Variants in FANCM observed in about 807,000 individuals in gnomAD.
The protein encoded by FANCM is FA complementation group M, also known as Fanconi anemia group M protein.
Under a neutral mutation model 199.5 loss-of-function variants are expected in FANCM, and 140 were observed. That is an observed-to-expected ratio of 0.70 (90% CI 0.61 to 0.81). The LOEUF (loss-of-function observed/expected upper bound fraction) is 0.81, where lower values mean the gene tolerates loss of function less well. FANCM is among the 30% of genes least tolerant of loss of function. The pLI is 0.00. For synonymous variants in FANCM, 840 were observed against 836.8 expected, an observed-to-expected ratio of 1.00 and a Z score of -0.07; for missense variants, 2,410 against 2,421.4, an observed-to-expected ratio of 1.00 and a Z score of 0.10.
intron 3 of FANCM, among the ~76,000 whole-genome samples, chr14:45,146,934 A>C (rs533683758): frequency 6.6e-6 from 1 of 151,434 alleles, no homozygotes; most frequent in South Asian, 2.1e-4. Context: ...TCTTCTTAAC[A>C]TTTGTGATAA....
At chr14:45,184,934 C>G (rs1889300370) in intron 17 of FANCM, among the ~76,000 whole-genome samples, 1 of 149,004 alleles carries the variant, frequency 6.7e-6, no homozygotes, top group Admixed American at 6.7e-5. Flanking sequence ...CCACCACACC[C>G]TGCCAATTTT....
At chr14:45,163,691 AG>A in intron 9 of FANCM, among the ~76,000 whole-genome samples, 1 of 152,206 alleles carries the variant, frequency 6.6e-6, no homozygotes, top group East Asian at 1.9e-4. Flanking sequence ...CTATACATTT[AG>A]GTCTAAGATA....
At chr14:45,189,408 GTTTTTC>G (rs777612101) in intron 20 of FANCM, 46 bp downstream of exon 20, 2 of 1,441,148 alleles carry the variant, frequency 1.4e-6, no homozygotes, top group Non-Finnish European at 1.9e-6. Context: ...GTTACCAGAA[GTTTTTC>G]TTTTTCTTTC....
chr14:45,168,427 A>G (rs902304070), intron 11 of FANCM, among the ~76,000 whole-genome samples: 2 of 151,942 alleles, frequency 1.3e-5, no homozygotes, highest in Non-Finnish European at 2.9e-5. Flanking sequence ...AGTGATCATT[A>G]TATTTTTTAT....
At chr14:45,177,163 G>A (rs1888765187) in intron 14 of FANCM, among the ~76,000 whole-genome samples, 187 bp downstream of exon 14, 1 of 150,186 alleles carries the variant, frequency 6.7e-6, no homozygotes, top group Admixed American at 6.6e-5. Context: ...ATATACTTAT[G>A]GCACGCATGG....
intron 21 of FANCM, among the ~76,000 whole-genome samples, chr14:45,198,200 G>GA (rs1305302272): frequency 5.9e-5 from 9 of 152,296 alleles, no homozygotes; most frequent in Non-Finnish European, 1.0e-4. Flanking sequence ...ATATGGAATA[G>GA]AAAATGAACA....
At chr14:45,146,770 T>C (rs1181242624) in intron 3 of FANCM, among the ~76,000 whole-genome samples, 4 of 147,982 alleles carry the variant, frequency 2.7e-5, no homozygotes, top group Non-Finnish European at 3.0e-5. Context: ...GAGGCGGAGC[T>C]TGCAGTGAGC....
At chr14:45,172,232 T>A (rs1460325370) in intron 12 of FANCM, among the ~76,000 whole-genome samples, 1 of 152,206 alleles carries the variant, frequency 6.6e-6, no homozygotes, top group African/African-American at 2.4e-5. Flanking sequence ...GGTTGTCTGT[T>A]TACTCTGCTG....
chr14:45,160,485 G>A (rs960692029), intron 9 of FANCM, among the ~76,000 whole-genome samples: 2 of 150,676 alleles, frequency 1.3e-5, no homozygotes, highest in African/African-American at 2.4e-5. Flanking sequence ...ACCACGCCCA[G>A]CTAAGTTTTT....
chr14:45,166,177 G>T (rs1887959254), intron 10 of FANCM, among the ~76,000 whole-genome samples: 1 of 151,306 alleles, frequency 6.6e-6, no homozygotes, highest in Non-Finnish European at 1.5e-5. Context: ...TGTCACCCAG[G>T]CTGGAGGGCA....
At chr14:45,196,622 A>T (rs1437682729) in intron 21 of FANCM, 75 bp downstream of exon 21, 34 of 1,429,256 alleles carry the variant, frequency 2.4e-5, no homozygotes, top group Non-Finnish European at 3.3e-5. Context: ...TTCTTCTATT[A>T]TTAGGATGTG....
chr14:45,136,716 A>G (rs1885540705), intron 1 of FANCM, among the ~76,000 whole-genome samples, 177 bp downstream of exon 1: 1 of 152,260 alleles, frequency 6.6e-6, no homozygotes, highest in Non-Finnish European at 1.5e-5. Context: ...GAATATCTGC[A>G]GCTTGTCATA....
chr14:45,137,043 A>C, intron 1 of FANCM, 26 bp from the exon 2 acceptor site: 1 of 1,557,938 alleles, frequency 6.4e-7, no homozygotes, highest in Non-Finnish European at 8.8e-7. Flanking sequence ...GAAGTTTAGA[A>C]TGTAGAATGT....
Position 45,137,070 on chromosome 14 carries a change from G to T in FANCM, c.510G>T (p.Gly170=). 6.2e-7 allele frequency: 1 copy of T among 1,609,022 alleles called. No individual in the cohort carries two copies. Among genetic ancestry groups the T allele is most frequent in the Non-Finnish European group, 8.5e-7 (1 of 1,175,942 alleles). Residue 170 remains glycine (G), a splice_region_variant and synonymous_variant, in exon 2 of 23, where the codon GGG becomes GGT. Transcript: ENST00000267430. ...IPQSHMAEMT[G]STQASTRKEI... is the part of the protein sequence containing the mutation. Reference sequence around the variant, plus strand: ...GTAGAATGTCACTTTTATTTTCAGGGTCTACACAAGCTTCCACCAGGAAGG... The same window carrying T: ...GTAGAATGTCACTTTTATTTTCAGGTTCTACACAAGCTTCCACCAGGAAGG...
intron 9 of FANCM, among the ~76,000 whole-genome samples, chr14:45,162,874 T>C (rs1415541139): frequency 6.6e-6 from 1 of 152,148 alleles, no homozygotes; most frequent in Admixed American, 6.5e-5. Context: ...CTTTTTTTTT[T>C]CTTTATCTGG....
chr14:45,196,611 ATTC>A, intron 21 of FANCM, 64 bp downstream of exon 21: 2 of 1,487,354 alleles, frequency 1.3e-6, no homozygotes, highest in South Asian at 1.1e-5. Context: ...AACTTAGTTT[ATTC>A]TTCTATTATT....
At chr14:45,188,091 C>A (rs917240522) in intron 19 of FANCM, among the ~76,000 whole-genome samples, 1 of 152,200 alleles carries the variant, frequency 6.6e-6, no homozygotes, top group Non-Finnish European at 1.5e-5. Flanking sequence ...GTAATCCCAG[C>A]ACTTTGGGAG....
chr14:45,175,801 C>A lies in FANCM; in HGVS notation c.3047C>A (p.Ala1016Glu), dbSNP rs1445744457. 1.2e-6 allele frequency: 2 copies of A among 1,613,762 alleles called. No homozygotes were observed. Among genetic ancestry groups the A allele is most frequent in the Non-Finnish European group, 1.7e-6 (2 of 1,179,896 alleles). Residue 1016 changes from alanine (A) to glutamate (E), a missense_variant, in exon 14 of 23, where the codon GCA (alanine) becomes GAA (glutamate). Physicochemically the swap from Ala to Glu is moderately radical, Grantham distance 107. Coordinates refer to ENST00000267430, the MANE Select transcript of FANCM (RefSeq NM_020937.4). The part of the protein sequence containing the change: ...DLEYEIAKGT[A>E]LENLLFLPCA... ...GAATATGAAATTGCTAAGGGTACTG[C>A]ACTTGAGAATTTGCTTTTCTTACCC...
intron 18 of FANCM, among the ~76,000 whole-genome samples, chr14:45,185,933 C>G (rs562319466): frequency 1.3e-5 from 2 of 152,198 alleles, no homozygotes; most frequent in South Asian, 4.2e-4. Flanking sequence ...GAGTCTTACT[C>G]TGTTGCCCAG....
Sources: gnomAD v4.1 joint callset for allele counts (sites outside exome capture counted in the v4.1 genomes callset) on GRCh38, gnomAD v4.1.1 for gene constraint, MANE v1.5 for transcripts, NCBI Gene and HGNC (gene_info 2026-07-23, HGNC 2026-07-21) for gene names.